FAM13A: variants seen among roughly 807,000 people sequenced by gnomAD.
FAM13A encodes the protein protein FAM13A.
A neutral mutation model predicts 129.6 loss-of-function variants in FAM13A; 76 were observed. The ratio of observed to expected loss-of-function variants is 0.59; its 90% CI spans 0.49 to 0.71. The LOEUF (loss-of-function observed/expected upper bound fraction) is 0.71. Among genes scored for constraint, FAM13A ranks in the 30% least tolerant of loss-of-function variants. FAM13A has a pLI of 0.00. For synonymous variants in FAM13A, 443 were observed against 449.9 expected (o/e 0.98, Z 0.20); for missense variants, 1,108 against 1,249.3 (o/e 0.89, Z 1.70).
intron 8 of FAM13A, among the ~76,000 whole-genome samples, chr4:88,799,238 G>T (rs1056220180): frequency 6.6e-6 from 1 of 152,094 alleles, no homozygotes; most frequent in Non-Finnish European, 1.5e-5. Flanking sequence ...CACCTAGCAC[G>T]ACCTGAGACT....
At chr4:88,894,575 G>A (rs1178049668) in intron 6 of FAM13A, among the ~76,000 whole-genome samples, 1 of 152,154 alleles carries the variant, frequency 6.6e-6, no homozygotes, top group African/African-American at 2.4e-5. Context: ...TCAGGCTGGA[G>A]TGCAGTGGCA....
chr4:88,813,332 T>C (rs1258976898), intron 7 of FAM13A, among the ~76,000 whole-genome samples: 1 of 152,180 alleles, frequency 6.6e-6, no homozygotes, highest in East Asian at 1.9e-4. Flanking sequence ...GTGATGTTTA[T>C]CATTATTATA....
At chr4:88,840,712 A>C (rs2149932025) in intron 7 of FAM13A, among the ~76,000 whole-genome samples, 1 of 152,300 alleles carries the variant, frequency 6.6e-6, no homozygotes, top group Middle Eastern at 3.4e-3. Flanking sequence ...AAACCTCTGG[A>C]CTGTGCTATT....
chr4:88,739,634 A>C (rs1181063578), intron 19 of FAM13A, among the ~76,000 whole-genome samples: 2 of 150,812 alleles, frequency 1.3e-5, no homozygotes, highest in African/African-American at 2.4e-5. Context: ...AAAAAAAAAA[A>C]AAAATTAGCT....
At chr4:88,907,597 C>T (rs576093425) in intron 5 of FAM13A, among the ~76,000 whole-genome samples, 8 of 152,152 alleles carry the variant, frequency 5.3e-5, no homozygotes, top group Middle Eastern at 6.8e-3. Context: ...TTTATAATGC[C>T]GTTTTTACGC....
At chr4:88,983,273 C>T (rs1190055957) in intron 4 of FAM13A, among the ~76,000 whole-genome samples, 2 of 151,842 alleles carry the variant, frequency 1.3e-5, no homozygotes, top group African/African-American at 4.8e-5. Flanking sequence ...CAAAGTAATA[C>T]TGAGAGGAAA....
chr4:88,735,595 C>T (rs554592526), intron 21 of FAM13A, among the ~76,000 whole-genome samples: 12 of 152,148 alleles, frequency 7.9e-5, no homozygotes, highest in Non-Finnish European at 1.5e-4. Flanking sequence ...ACAGCTGGTT[C>T]GTTCCCAAAA....
intron 19 of FAM13A, among the ~76,000 whole-genome samples, chr4:88,746,522 C>G (rs541884671): frequency 2.0e-5 from 3 of 152,322 alleles, no homozygotes; most frequent in South Asian, 4.1e-4. Context: ...TCTAGTTTCA[C>G]ACCTTTCATT....
intron 9 of FAM13A, among the ~76,000 whole-genome samples, chr4:88,789,456 A>T (rs1032698063): frequency 6.6e-6 from 1 of 152,088 alleles, no homozygotes; most frequent in African/African-American, 2.4e-5. Flanking sequence ...CCTACACCTG[A>T]TCCTTGCCAA....
At chr4:88,976,657 G>A (rs1363576575) in intron 4 of FAM13A, among the ~76,000 whole-genome samples, 3 of 48,330 alleles carry the variant, frequency 6.2e-5, no homozygotes, top group Non-Finnish European at 1.3e-4. Flanking sequence ...TAAATTTAGT[G>A]TAGCCTAAGT....
At chr4:88,838,480 G>A (rs557809927) in intron 7 of FAM13A, among the ~76,000 whole-genome samples, 7 of 152,310 alleles carry the variant, frequency 4.6e-5, no homozygotes, top group Admixed American at 4.6e-4. Flanking sequence ...GCTCATGCCT[G>A]TAATCCCAGC....
rs553488080 is a variant in FAM13A at position 88,826,132 on chromosome 4, A to G, written c.1008-21080T>C. On this transcript the variant is annotated intron_variant, in intron 7 of 23. Coordinates refer to ENST00000264344, the MANE Select transcript of FAM13A (RefSeq NM_014883.4). ...CTAATTTTTCAAACACGGTATTTCA[A>G]CTGCATTTCCCTGGCTACATTTCCC... Among the ~76,000 whole-genome samples, 28 of 152,154 alleles carry G rather than the reference A, an allele frequency of 1.8e-4. No individual in the cohort carries two copies. In the South Asian group the frequency reaches 5.8e-3, roughly 32 times the overall value.
intron 13 of FAM13A, chr4:88,759,603 A>G (rs183351686): frequency 1.5e-4 from 23 of 149,074 alleles, no homozygotes; most frequent in African/African-American, 3.2e-4. Context: ...ACAGGGAGCA[A>G]TTTTTTTTTT....
At chr4:88,899,466 C>T (rs1033155353) in intron 6 of FAM13A, among the ~76,000 whole-genome samples, 3 of 151,482 alleles carry the variant, frequency 2.0e-5, no homozygotes, top group Non-Finnish European at 4.4e-5. Flanking sequence ...ACCACCTGTT[C>T]CCTAAAAACT....
intron 10 of FAM13A, among the ~76,000 whole-genome samples, chr4:88,786,228 G>C (rs1308125600): frequency 6.6e-6 from 1 of 152,016 alleles, no homozygotes; most frequent in East Asian, 1.9e-4. Flanking sequence ...ATCACTCTCT[G>C]TTCTCTCTCA....
chr4:88,882,719 T>C (rs1392552614), intron 6 of FAM13A, among the ~76,000 whole-genome samples: 2 of 152,030 alleles, frequency 1.3e-5, no homozygotes, highest in Non-Finnish European at 2.9e-5. Flanking sequence ...ATACACACAA[T>C]GGCAGAATGG....
intron 20 of FAM13A, 142 bp downstream of exon 20, chr4:88,738,888 T>C: frequency 1.6e-6 from 1 of 621,002 alleles, no homozygotes; most frequent in Non-Finnish European, 3.0e-6. Flanking sequence ...TCCTCAAGCT[T>C]GTGGGCCATG....
chr4:89,018,305 G>A (rs556247129), intron 3 of FAM13A, among the ~76,000 whole-genome samples: 4 of 152,306 alleles, frequency 2.6e-5, no homozygotes, highest in Non-Finnish European at 4.4e-5. Context: ...AAAAGGCCAC[G>A]TGCGGACACA....
Position 89,057,019 on chromosome 4 carries a change from G to T in FAM13A, c.-55C>A. On this transcript the variant is annotated 5_prime_UTR_variant, in exon 1 of 24. It introduces an in-frame stop codon into an upstream open reading frame of the 5' UTR. Coordinates refer to ENST00000264344, the MANE Select transcript of FAM13A (RefSeq NM_014883.4). Reference sequence around the variant, plus strand: ...GAAGACCAGACGAAAATATTAAAACGACAGCAAAATACTAAAATTCCATTC... The same window carrying T: ...GAAGACCAGACGAAAATATTAAAACTACAGCAAAATACTAAAATTCCATTC... 6.2e-7 allele frequency: 1 copy of T among 1,605,892 alleles called. No individual in the cohort carries two copies. Among genetic ancestry groups the T allele is most frequent in the South Asian group, 1.1e-5 (1 of 89,630 alleles).
Sources: gnomAD v4.1 joint callset for allele counts (sites outside exome capture counted in the v4.1 genomes callset) on GRCh38, gnomAD v4.1.1 for gene constraint, MANE v1.5 for transcripts, NCBI Gene and HGNC (gene_info 2026-07-23, HGNC 2026-07-21) for gene names.